The following NSMAF variants were observed in gnomAD, a reference collection of about 807,000 sequenced individuals.
NSMAF encodes the protein neutral sphingomyelinase activation associated factor.
In NSMAF, 90 loss-of-function variants were observed where a neutral mutation model predicts 134.9. The observed-to-expected ratio is 0.67, with a 90% CI of 0.56 to 0.79. The LOEUF is 0.79. Among genes scored for constraint, NSMAF ranks in the 30% least tolerant of loss-of-function variants. The probability of loss-of-function intolerance (pLI) is 0.00; values close to 1 mark genes in which losing one functional copy is unlikely to be tolerated. For synonymous variants in NSMAF, 358 were observed against 389.6 expected, an observed-to-expected ratio of 0.92 and a Z score of 0.96; for missense variants, 1,010 against 1,119.0, an observed-to-expected ratio of 0.90 and a Z score of 1.39.
intron 23 of NSMAF, chr8:58,591,138 A>T: frequency 2.5e-6 from 1 of 394,130 alleles, no homozygotes; most frequent in South Asian, 4.0e-5. Context: ...TAACCCCATG[A>T]CAAAAACATC....
At chr8:58,607,480 T>C (rs1210966775) in intron 11 of NSMAF, among the ~76,000 whole-genome samples, 3 of 152,266 alleles carry the variant, frequency 2.0e-5, no homozygotes, top group African/African-American at 7.2e-5. Context: ...CATTCTAGCC[T>C]GAGCCCAGAA....
intron 12 of NSMAF, among the ~76,000 whole-genome samples, chr8:58,605,476 G>A (rs1019810953): frequency 6.6e-6 from 1 of 152,056 alleles, no homozygotes; most frequent in African/African-American, 2.4e-5. Context: ...AAATATAAGA[G>A]CATTTAAATA....
chr8:58,585,884 C>T lies in NSMAF; in HGVS notation c.2549+14G>A, dbSNP rs768606260. ...CTGTAAATGTCTTCGCCCCCAGTAA[C>T]TCACAAACTATACCTCTGGGGCTCA... On this transcript the variant is annotated intron_variant, in intron 29 of 30. Transcript: ENST00000038176. 1.2e-6 allele frequency: 2 copies of T among 1,609,318 alleles called. No homozygotes were observed. The highest frequency in any genetic ancestry group is 3.3e-5 in the Admixed American group (2 of 60,020).
chr8:58,655,435 T>G (rs1232168270), intron 1 of NSMAF, among the ~76,000 whole-genome samples: 1 of 151,756 alleles, frequency 6.6e-6, no homozygotes, highest in African/African-American at 2.4e-5. Flanking sequence ...GGTCTCACTG[T>G]GTCACCCAGG....
intron 13 of NSMAF, 118 bp from the exon 14 acceptor site, chr8:58,602,255 C>T (rs1806301885): frequency 3.0e-6 from 2 of 666,782 alleles, no homozygotes; most frequent in East Asian, 3.0e-5. Context: ...GAGAGCAATC[C>T]ATGAGAGTTA....
chr8:58,603,411 C>G, intron 12 of NSMAF, 25 bp from the exon 13 acceptor site: 1 of 1,610,434 alleles, frequency 6.2e-7, no homozygotes, highest in Non-Finnish European at 8.5e-7. Context: ...CCCACGAGGT[C>G]TGCCACTTAA....
intron 6 of NSMAF, among the ~76,000 whole-genome samples, chr8:58,629,296 T>C (rs1807005080): frequency 6.6e-6 from 1 of 152,200 alleles, no homozygotes; most frequent in African/African-American, 2.4e-5. Flanking sequence ...TGATTTTTTC[T>C]TCTGATTTAT....
In NSMAF at chr8:58,594,244, T is replaced by G. The variant is rs1436040604; in HGVS notation, c.1939A>C (p.Thr647Pro). ...TVSRNGSSVF[T>P]TSQDSTLKMF... Reference sequence around the variant, plus strand: ...GAGGAACACTGACCTTGGGATGTTGTGAATACTGAAGATCCATTGCGAGAG... The same window carrying G: ...GAGGAACACTGACCTTGGGATGTTGGGAATACTGAAGATCCATTGCGAGAG... Residue 647 changes from threonine to proline, a missense_variant, in exon 23 of 31, where the codon ACA becomes CCA. Transcript: ENST00000038176. 1.9e-6 allele frequency: 3 copies of G among 1,614,206 alleles called. No homozygotes were observed.
At position 58,595,654 on chromosome 8, in the gene NSMAF, C is replaced by T. The variant is rs1806122574; in HGVS notation, c.1798G>A (p.Glu600Lys). ...TCTTCGGTCAGGTCTTCAAAAGACT[C>T]TTCACCTGGAGAGACGACATTAAAT... ...NASMADSPGE[E>K]SFEDLTEESK... is the part of the protein sequence containing the mutation. Residue 600 changes from glutamate to lysine, a missense_variant, in exon 22 of 31, where the codon GAG becomes AAG. Coordinates refer to ENST00000038176, the MANE Select transcript of NSMAF (RefSeq NM_003580.4). 14 of 1,610,484 alleles carry T rather than the reference C, an allele frequency of 8.7e-6. No homozygotes were observed. Among genetic ancestry groups the T allele is most frequent in the Non-Finnish European group, 1.1e-5 (13 of 1,177,446 alleles).
Position 58,583,899 on chromosome 8 carries a change from A to G in NSMAF, c.*207T>C. On this transcript the variant is annotated 3_prime_UTR_variant, in exon 31 of 31. Transcript: ENST00000038176. ...CTTACAGTGTAACATGTTTTTCCTA[A>G]CACAGCCGCATTTTATCTGCCCTAA... is the stretch of plus-strand genomic sequence containing the variant. 1 of 565,188 alleles carries G rather than the reference A, an allele frequency of 1.8e-6. No homozygotes were observed. Among genetic ancestry groups the G allele is most frequent in the South Asian group, 2.0e-5 (1 of 49,944 alleles). 35.0% of individuals were successfully genotyped at this position (565,188 alleles called of 1,614,324 possible). A position where few individuals can be genotyped will look rare whatever the true frequency, so the allele number is the denominator to read the frequency against.
chr8:58,653,728 T>C (rs552438515), intron 1 of NSMAF, among the ~76,000 whole-genome samples: 26 of 152,274 alleles, frequency 1.7e-4, no homozygotes, highest in Admixed American at 5.2e-4. Flanking sequence ...AAATATCTGA[T>C]GGTTAAAAGA....
chr8:58,621,496 A>G (rs1806788012), intron 9 of NSMAF, among the ~76,000 whole-genome samples: 1 of 152,210 alleles, frequency 6.6e-6, no homozygotes, highest in Non-Finnish European at 1.5e-5. Context: ...GCTGGGTCAA[A>G]TGGTAGCTCT....
At chr8:58,625,552 T>C (rs1281592443) in intron 6 of NSMAF, among the ~76,000 whole-genome samples, 1 of 152,202 alleles carries the variant, frequency 6.6e-6, no homozygotes, top group East Asian at 1.9e-4. Flanking sequence ...CTTCGTCTCT[T>C]GTGAAAGTTT....
intron 1 of NSMAF, among the ~76,000 whole-genome samples, chr8:58,648,842 C>T (rs1159913980): frequency 6.6e-6 from 1 of 152,248 alleles, no homozygotes; most frequent in Non-Finnish European, 1.5e-5. Flanking sequence ...GTGAAAAGGC[C>T]TGGAATCCCG....
rs1303854617 is a variant in NSMAF, at chr8:58,599,760, A to T, written c.1443T>A (p.Pro481=). The T allele has an allele frequency of 6.2e-7, 1 of 1,613,876 alleles. No individual in the cohort carries two copies. Among genetic ancestry groups the T allele is most frequent in the Admixed American group, 1.7e-5 (1 of 59,994 alleles). ...CAAGGGGGGACTCACTGGAAGCCCA[A>T]GGGGGAAGCTCCACGTCGTCAACCA... ...GQMVDDVELP[P]WASSPEDFLQ... is the part of the protein sequence containing the mutation. Residue 481 remains proline (P), a synonymous_variant, in exon 18 of 31, where the codon CCT becomes CCA. Transcript: ENST00000038176.
chr8:58,626,897 C>T (rs934152686), intron 6 of NSMAF, among the ~76,000 whole-genome samples: 2 of 152,156 alleles, frequency 1.3e-5, no homozygotes, highest in Non-Finnish European at 2.9e-5. Context: ...TAATTATGGC[C>T]ATTCTCACTA....
At chr8:58,600,089 C>T (rs1208605221) in intron 16 of NSMAF, 68 bp from the exon 17 acceptor site, 2 of 1,150,646 alleles carry the variant, frequency 1.7e-6, no homozygotes, top group Non-Finnish European at 2.6e-6. Context: ...TTCCTATGCA[C>T]TTGGGGGCTG....
In NSMAF at chr8:58,586,049, G is replaced by T. The variant is rs79806631; in HGVS notation, c.2447-49C>A. The T allele has an allele frequency of 2.8e-3, 3,933 of 1,427,154 alleles. 99 individuals are homozygous for T. The African/African-American group carries it at 0.05, about 18-fold the overall frequency. 88.4% of individuals were successfully genotyped at this position (1,427,154 alleles called of 1,614,324 possible). A position where few individuals can be genotyped will look rare whatever the true frequency, so the allele number is the denominator to read the frequency against. ...ATATGAGTGACAGCTTCAGAATGTG[G>T]TTTACATTATTCTGGATTTTATTTC... On this transcript the variant is annotated intron_variant, in intron 28 of 30. Transcript: ENST00000038176.
At chr8:58,602,007 G>A (rs1806294196) in intron 14 of NSMAF, 51 bp downstream of exon 14, 2 of 1,408,968 alleles carry the variant, frequency 1.4e-6, no homozygotes, top group Non-Finnish European at 2.0e-6. Flanking sequence ...AAAAACACAG[G>A]CCATGGCTTC....
Sources: allele counts gnomAD v4.1 joint callset (sites outside exome capture counted in the v4.1 genomes callset), GRCh38; gene constraint gnomAD v4.1.1; transcripts MANE v1.5; gene names NCBI Gene and HGNC (gene_info 2026-07-23, HGNC 2026-07-21).